The following UBE2E2 variants were observed in gnomAD, a reference collection of about 807,000 sequenced individuals.
UBE2E2 encodes the protein ubiquitin-conjugating enzyme E2 E2.
Under a neutral mutation model 24.7 loss-of-function variants are expected in UBE2E2, and 6 were observed. That is an observed-to-expected ratio of 0.24 (90% CI 0.13 to 0.48). The LOEUF (loss-of-function observed/expected upper bound fraction) is 0.48. UBE2E2 is among the 20% of genes least tolerant of loss of function. The pLI is 0.99. For synonymous variants in UBE2E2, 104 were observed against 83.6 expected (o/e 1.24, Z -1.33); for missense variants, 169 against 245.0 (o/e 0.69, Z 2.07).
In UBE2E2 at chr3:23,537,056, C is replaced by G. The variant is rs945115288; in HGVS notation, c.508+4355C>G. On this transcript the variant is annotated intron_variant, in intron 5 of 5. Coordinates refer to ENST00000396703, the MANE Select transcript of UBE2E2 (RefSeq NM_152653.4). ...TCATTTTGCTTGAAGTTGCAGTTTC[C>G]AAGAACCTATCAGCCACATTAAGTG... is the stretch of plus-strand genomic sequence containing the variant. Among the ~76,000 whole-genome samples, 6 of 152,150 alleles carry G rather than the reference C, an allele frequency of 3.9e-5. No individual in the cohort carries two copies. In the East Asian group the frequency reaches 5.8e-4, roughly 15 times the overall value.
intron 3 of UBE2E2, among the ~76,000 whole-genome samples, chr3:23,402,103 C>G (rs1353253783): frequency 6.6e-6 from 1 of 152,096 alleles, no homozygotes; most frequent in Non-Finnish European, 1.5e-5. Context: ...ATCCACCTGC[C>G]TCAGCCTCCC....
chr3:23,450,056 T>C (rs1164177950), intron 3 of UBE2E2: 1 of 379,710 alleles, frequency 2.6e-6, no homozygotes, highest in Non-Finnish European at 3.6e-6. Flanking sequence ...TTGTCTGTTA[T>C]GGGAATTGGC....
intron 3 of UBE2E2, among the ~76,000 whole-genome samples, chr3:23,326,797 A>C (rs532592469): frequency 6.6e-6 from 1 of 152,264 alleles, no homozygotes; most frequent in East Asian, 1.9e-4. Context: ...TACATTAGGT[A>C]TATCTCCTAA....
intron 3 of UBE2E2, among the ~76,000 whole-genome samples, chr3:23,264,355 A>C (rs747269751): frequency 6.6e-6 from 1 of 152,060 alleles, no homozygotes; most frequent in African/African-American, 2.4e-5. Flanking sequence ...AAAATAAAAA[A>C]CAAAAAAAGG....
intron 3 of UBE2E2, among the ~76,000 whole-genome samples, chr3:23,346,075 T>C (rs1345983617): frequency 2.0e-5 from 3 of 152,336 alleles, no homozygotes; most frequent in East Asian, 1.9e-4. Context: ...TCCCTTCTTA[T>C]TTTTAAGCCC....
intron 3 of UBE2E2, among the ~76,000 whole-genome samples, chr3:23,457,234 G>A (rs936850794): frequency 1.3e-5 from 2 of 152,160 alleles, no homozygotes; most frequent in African/African-American, 4.8e-5. Flanking sequence ...AGTATGCATT[G>A]AAGGGAGTTT....
At chr3:23,495,854 C>A (rs908235634) in intron 3 of UBE2E2, among the ~76,000 whole-genome samples, 1 of 152,170 alleles carries the variant, frequency 6.6e-6, no homozygotes, top group Admixed American at 6.5e-5. Flanking sequence ...TACACCACTG[C>A]TTCTCAATAT....
At chr3:23,257,512 G>GGCCCCCCC (rs1697762836) in intron 3 of UBE2E2, among the ~76,000 whole-genome samples, 2 of 31,148 alleles carry the variant, frequency 6.4e-5, no homozygotes, top group Non-Finnish European at 1.2e-4. Context: ...TGTTTCCCGT[G>GGCCCCCCC]CCCCCCCCCC....
At chr3:23,533,504 G>A (rs896585057) in intron 5 of UBE2E2, among the ~76,000 whole-genome samples, 8 of 152,048 alleles carry the variant, frequency 5.3e-5, no homozygotes, top group African/African-American at 1.7e-4. Flanking sequence ...ACGAGTATCA[G>A]TGGGGTTGCT....
chr3:23,284,962 AAT>A lies in UBE2E2; in HGVS notation c.227+67665_227+67666del, dbSNP rs754670052. On this transcript the variant is annotated intron_variant, in intron 3 of 5. Transcript: ENST00000396703. ...TCTATAGCTTCTTGTTGGAAAAAAAAATATATATATATATATTTATATATTTA... is the reference window on the plus strand; with the variant it reads ...TCTATAGCTTCTTGTTGGAAAAAAAAATATATATATATATTTATATATTTA... 2.5e-3 allele frequency among the ~76,000 whole-genome samples: 353 copies of A among 141,564 alleles called. 1 individual carries two copies. Among genetic ancestry groups the A allele is most frequent in the African/African-American group, 4.4e-3 (159 of 36,218 alleles). The allele number at this position is 141,564 out of a possible 152,430, so 92.9% of individuals were successfully genotyped here. A position where few individuals can be genotyped will look rare whatever the true frequency, so the allele number is the denominator to read the frequency against.
chr3:23,216,095 T>C (rs1033522358), intron 2 of UBE2E2, among the ~76,000 whole-genome samples: 82 of 152,276 alleles, frequency 5.4e-4, no homozygotes, highest in African/African-American at 1.9e-3. Flanking sequence ...AGCAGTATTC[T>C]TGCTCAGGGA....
chr3:23,574,375 G>C (rs936466417), intron 5 of UBE2E2, among the ~76,000 whole-genome samples: 5 of 152,102 alleles, frequency 3.3e-5, no homozygotes, highest in Non-Finnish European at 7.4e-5. Flanking sequence ...AACTAAAAGA[G>C]TACAACTGGA....
chr3:23,231,300 T>C (rs755220964), intron 3 of UBE2E2, among the ~76,000 whole-genome samples: 2 of 152,194 alleles, frequency 1.3e-5, no homozygotes, highest in Non-Finnish European at 2.9e-5. Flanking sequence ...TTGCTATCAG[T>C]TCCACATCTT....
Position 23,556,453 on chromosome 3 carries a change from T to TAAAAAAA in UBE2E2, c.508+23752_508+23753insAAAAAAA, listed in dbSNP as rs1321819270. Among the ~76,000 whole-genome samples the TAAAAAAA allele has an allele frequency of 2.6e-4, 18 of 68,998 alleles. 1 individual carries two copies. Among genetic ancestry groups the TAAAAAAA allele is most frequent in the East Asian group, 1.0e-3 (3 of 2,926 alleles). 45.3% of individuals were successfully genotyped at this position (68,998 alleles called of 152,430 possible). On this transcript the variant is annotated intron_variant, in intron 5 of 5. Transcript: ENST00000396703. ...ACCATGCCCAGCCAATAAAATTTAT[T>TAAAAAAA]TAAAAAAAAAAAAAAAAAAGCTATA... is the stretch of plus-strand genomic sequence containing the variant.
At position 23,353,684 on chromosome 3, in the gene UBE2E2, G is replaced by A. The variant is rs547915492; in HGVS notation, c.227+136372G>A. Among the ~76,000 whole-genome samples, 259 of 152,098 alleles carry A rather than the reference G, an allele frequency of 1.7e-3. 1 individual carries two copies. The highest frequency in any genetic ancestry group is 6.0e-3 in the African/African-American group (250 of 41,518). ...CCTAGGAATCCAACTTACAAGGGAT[G>A]TGAAGGACCGCTTCAAGGAGAACTA... On this transcript the variant is annotated intron_variant, in intron 3 of 5. Transcript: ENST00000396703.
At chr3:23,412,345 T>C (rs991920180) in intron 3 of UBE2E2, among the ~76,000 whole-genome samples, 1 of 152,130 alleles carries the variant, frequency 6.6e-6, no homozygotes, top group Admixed American at 6.6e-5. Context: ...CTAGATCATT[T>C]TGGAAAGGTA....
intron 3 of UBE2E2, among the ~76,000 whole-genome samples, chr3:23,340,970 GA>G (rs1169949965): frequency 2.0e-5 from 3 of 152,166 alleles, no homozygotes; most frequent in Non-Finnish European, 4.4e-5. Context: ...GAGAGTTTTA[GA>G]TTCCTTAGAA....
At chr3:23,577,865 C>T (rs905834031) in intron 5 of UBE2E2, among the ~76,000 whole-genome samples, 3 of 152,100 alleles carry the variant, frequency 2.0e-5, no homozygotes, top group African/African-American at 7.2e-5. Context: ...TTTACCATTT[C>T]AAAAATCCTA....
intron 4 of UBE2E2, among the ~76,000 whole-genome samples, chr3:23,520,955 T>A (rs946837496): frequency 4.6e-5 from 7 of 152,198 alleles, no homozygotes; most frequent in Non-Finnish European, 7.3e-5. Context: ...TGTTTTTTTT[T>A]ATATCATGTT....
Sources: gnomAD v4.1 joint callset for allele counts (sites outside exome capture counted in the v4.1 genomes callset) on GRCh38, gnomAD v4.1.1 for gene constraint, MANE v1.5 for transcripts, NCBI Gene and HGNC (gene_info 2026-07-23, HGNC 2026-07-21) for gene names.